The following HUWE1 variants were observed in gnomAD, a reference collection of about 807,000 sequenced individuals.
HUWE1 encodes HECT, UBA and WWE domain containing E3 ubiquitin protein ligase 1, also known as E3 ubiquitin-protein ligase HUWE1.
HUWE1 carries 18 observed loss-of-function variants against 299.4 expected under a neutral mutation model. That is an observed-to-expected ratio of 0.06 (90% CI 0.04 to 0.09). The LOEUF (loss-of-function observed/expected upper bound fraction) is 0.09. HUWE1 is among the 10% of genes least tolerant of loss of function. HUWE1 has a pLI of 1.00. For missense variants in HUWE1, 1,832 were observed against 3,462.3 expected, an observed-to-expected ratio of 0.53 and a Z score of 11.82; for synonymous variants, 1,317 against 1,286.1, an observed-to-expected ratio of 1.02 and a Z score of -0.51.
chrX:53,608,507 T>G (rs782248857), intron 24 of HUWE1, among the ~76,000 whole-genome samples: 2 of 111,929 alleles, frequency 1.8e-5, no homozygotes, highest in Non-Finnish European at 3.8e-5. Context: ...CCCTTCAGTG[T>G]TATGTTGGTA....
chrX:53,568,482 G>GA (rs1170922425), intron 49 of HUWE1, among the ~76,000 whole-genome samples: 8 of 108,553 alleles, frequency 7.4e-5, no homozygotes, highest in African/African-American at 1.0e-4. Flanking sequence ...GGGGAAGCTT[G>GA]AAAAAAAAAT....
intron 7 of HUWE1, among the ~76,000 whole-genome samples, chrX:53,636,745 A>G (rs2067243073): frequency 8.9e-6 from 1 of 112,164 alleles, no homozygotes; most frequent in Admixed American, 9.4e-5. Flanking sequence ...CTGGTGCTAA[A>G]TATGGCCAAA....
intron 62 of HUWE1, 49 bp downstream of exon 62, chrX:53,552,589 G>C (rs1293031770): frequency 2.5e-6 from 3 of 1,209,590 alleles, no homozygotes; most frequent in Non-Finnish European, 3.4e-6. Flanking sequence ...AATGTGCTTT[G>C]AAAGACCCTC....
intron 2 of HUWE1, among the ~76,000 whole-genome samples, chrX:53,681,499 G>A (rs1200583373): frequency 2.7e-5 from 3 of 110,000 alleles, no homozygotes; most frequent in African/African-American, 6.6e-5. Context: ...TAATAAGTAC[G>A]TTAGAAAATA....
chrX:53,671,815 A>G (rs1217300481), intron 3 of HUWE1, among the ~76,000 whole-genome samples: 1 of 104,467 alleles, frequency 9.6e-6, no homozygotes, highest in Admixed American at 9.9e-5. Flanking sequence ...AAAAAAAAAA[A>G]GCTACAGAAG....
intron 47 of HUWE1, among the ~76,000 whole-genome samples, chrX:53,572,537 T>C (rs1365525006): frequency 8.9e-6 from 1 of 111,786 alleles, no homozygotes; most frequent in Non-Finnish European, 1.9e-5. Context: ...AAAATTACAA[T>C]GTGATCCACA....
chrX:53,589,875 G>A, intron 35 of HUWE1, 59 bp from the exon 36 acceptor site: 1 of 1,085,817 alleles, frequency 9.2e-7, no homozygotes, highest in East Asian at 3.2e-5. Flanking sequence ...GGAAAGATAA[G>A]AGAGACTCTG....
chrX:53,551,546 C>A lies in HUWE1; in HGVS notation c.8882-66G>T, dbSNP rs782454139. ...TAATTGCTTGAGACGGGGTCTTGGT[C>A]TGTTGCCCAGGCTGGAGTGTAGTGG... is the stretch of plus-strand genomic sequence containing the variant. On this transcript the variant is annotated intron_variant, in intron 63 of 83. Transcript: ENST00000262854. 5 of 1,011,499 alleles carry A rather than the reference C, an allele frequency of 4.9e-6. No individual in the cohort carries two copies. The Admixed American group carries it at 1.0e-4, about 21-fold the overall frequency. The allele number at this position is 1,011,499 out of a possible 1,213,427, so 83.4% of individuals were successfully genotyped here.
chrX:53,616,959 TAAC>T lies in HUWE1; in HGVS notation c.1957+8_1957+10del. 6.7e-6 allele frequency: 8 copies of T among 1,196,026 alleles called. No individual in the cohort carries two copies. Among genetic ancestry groups the T allele is most frequent in the South Asian group, 1.8e-5 (1 of 56,138 alleles). The stretch of plus-strand genomic sequence containing the variant: ...CAATTTTCTACTATAAAATAAATCT[TAAC>T]AACTTACCAAGGGGATCAGAACTTC... On this transcript the variant is annotated splice_region_variant and intron_variant, in intron 21 of 83. Transcript: ENST00000262854.
chrX:53,564,923 G>T, intron 50 of HUWE1, 144 bp downstream of exon 50: 1 of 799,494 alleles, frequency 1.3e-6, no homozygotes, highest in Non-Finnish European at 1.9e-6. Context: ...AATTCTTTGT[G>T]GGGCAGATTC....
At chrX:53,575,854 C>T in intron 44 of HUWE1, 66 bp from the exon 45 acceptor site, 1 of 1,068,890 alleles carries the variant, frequency 9.4e-7, no homozygotes, top group Non-Finnish European at 1.3e-6. Context: ...AATGTTAAGG[C>T]CTATCTAGTC....
intron 47 of HUWE1, 42 bp from the exon 48 acceptor site, chrX:53,569,869 T>C: frequency 9.2e-7 from 1 of 1,082,176 alleles, no homozygotes; most frequent in Non-Finnish European, 1.3e-6. Context: ...CAAGCACAAT[T>C]ATGCCATATC....
chrX:53,622,091 G>C (rs2066187446), intron 19 of HUWE1, among the ~76,000 whole-genome samples: 1 of 111,945 alleles, frequency 8.9e-6, no homozygotes, highest in Admixed American at 9.4e-5. Flanking sequence ...TAGTGGGTTT[G>C]AGTGTGAAAT....
Position 53,679,575 on chromosome X carries a change from A to G in HUWE1, c.-25+474T>C, listed in dbSNP as rs918704906. 5.4e-5 allele frequency among the ~76,000 whole-genome samples: 6 copies of G among 111,646 alleles called. No individual in the cohort carries two copies. In the Admixed American group the frequency reaches 5.7e-4, roughly 11 times the overall value. ...GAGGCCAAGAAGGGAGGATGGCTTG[A>G]GCCCAGGAGTTTGTGACCAGTCTAG... is the stretch of plus-strand genomic sequence containing the variant. On this transcript the variant is annotated intron_variant, in intron 3 of 83. Transcript: ENST00000262854.
chrX:53,630,396 G>A lies in HUWE1; in HGVS notation c.862+539C>T, dbSNP rs151011702. On this transcript the variant is annotated intron_variant, in intron 12 of 83. Coordinates refer to ENST00000262854, the MANE Select transcript of HUWE1 (RefSeq NM_031407.7). ...ATTTAATCTTTAGACCAGCCTCTACGGTGAGTACCTCAATATTAAACGAAT... is the reference window on the plus strand; with the variant it reads ...ATTTAATCTTTAGACCAGCCTCTACAGTGAGTACCTCAATATTAAACGAAT... Among the ~76,000 whole-genome samples the A allele has an allele frequency of 3.5e-4, 39 of 111,596 alleles. 1 individual carries two copies. Among genetic ancestry groups the A allele is most frequent in the African/African-American group, 1.2e-3 (36 of 30,746 alleles).
Position 53,537,541 on chromosome X carries a change from T to C in HUWE1, c.12137+15A>G. On this transcript the variant is annotated intron_variant, in intron 78 of 83. Transcript: ENST00000262854. The stretch of plus-strand genomic sequence containing the variant: ...CCTCCCACCCGCCATCTTTTCTCCG[T>C]TCCTGGGCCCTTACAATCGATTCTT... 1 of 1,209,654 alleles carries C rather than the reference T, an allele frequency of 8.3e-7. No homozygotes were observed. The highest frequency in any genetic ancestry group is 1.1e-6 in the Non-Finnish European group (1 of 894,110).
intron 4 of HUWE1, among the ~76,000 whole-genome samples, chrX:53,648,523 T>TAAAAAAAAAAAAAAAAAAA (rs1557037695): frequency 1.1e-5 from 1 of 86,980 alleles, no homozygotes; most frequent in African/African-American, 8.7e-5. Context: ...CACCTGGGCT[T>TAAAAAAAAAAAAAAAAAAA]AAAAAACAAA....
At chrX:53,566,983 T>G (rs1411849856) in intron 49 of HUWE1, among the ~76,000 whole-genome samples, 1 of 111,118 alleles carries the variant, frequency 9.0e-6, no homozygotes, top group African/African-American at 3.3e-5. Flanking sequence ...ATCAAAACAC[T>G]CTCCCTCAGA....
At chrX:53,631,163 AC>A in intron 11 of HUWE1, 129 bp from the exon 12 acceptor site, 1 of 519,821 alleles carries the variant, frequency 1.9e-6, no homozygotes, top group Admixed American at 2.8e-5. Context: ...TCAGAAAGCT[AC>A]CACCACTTAT....
Sources: allele counts gnomAD v4.1 joint callset (sites outside exome capture counted in the v4.1 genomes callset), GRCh38; gene constraint gnomAD v4.1.1; transcripts MANE v1.5; gene names NCBI Gene and HGNC (gene_info 2026-07-23, HGNC 2026-07-21).